The following CCSER1 variants were observed in gnomAD, a reference collection of about 807,000 sequenced individuals.
CCSER1 encodes serine-rich coiled-coil domain-containing protein 1.
CCSER1 carries 41 observed loss-of-function variants against 82.0 expected under a neutral mutation model. The ratio of observed to expected loss-of-function variants is 0.50; its 90% CI spans 0.39 to 0.65. The LOEUF is 0.65. Ranked by LOEUF, CCSER1 falls within the 30% of genes least tolerant of loss-of-function variation. CCSER1 has a pLI of 0.00. For missense variants in CCSER1, 1,119 were observed against 1,064.2 expected (o/e 1.05, Z -0.72); for synonymous variants, 414 against 383.9 (o/e 1.08, Z -0.92).
At chr4:90,708,341 G>A (rs934639994) in intron 6 of CCSER1, among the ~76,000 whole-genome samples, 3 of 152,158 alleles carry the variant, frequency 2.0e-5, no homozygotes, top group Non-Finnish European at 4.4e-5. Context: ...CAGAACACAC[G>A]TTCTCTGCAT....
At position 90,519,840 on chromosome 4, in the gene CCSER1, C is replaced by G. The variant is rs533772967; in HGVS notation, c.1724+51486C>G. On this transcript the variant is annotated intron_variant, in intron 5 of 10. Coordinates refer to ENST00000509176, the MANE Select transcript of CCSER1 (RefSeq NM_001145065.2). ...TTAATTATCTCAGAACATCTCTGTT[C>G]TACCAATGACTAACAGATTCAGAAA... is the stretch of plus-strand genomic sequence containing the variant. Among the ~76,000 whole-genome samples the G allele has an allele frequency of 3.3e-5, 5 of 152,156 alleles. No individual in the cohort carries two copies. In the South Asian group the frequency reaches 1.0e-3, roughly 32 times the overall value.
intron 5 of CCSER1, among the ~76,000 whole-genome samples, chr4:90,568,107 C>T (rs1341212646): frequency 6.6e-6 from 1 of 152,174 alleles, no homozygotes; most frequent in African/African-American, 2.4e-5. Context: ...TGTGGCCTAA[C>T]ATGATCTGTC....
At chr4:90,354,444 T>C (rs1269817156) in intron 3 of CCSER1, among the ~76,000 whole-genome samples, 3 of 152,126 alleles carry the variant, frequency 2.0e-5, no homozygotes, top group African/African-American at 4.8e-5. Context: ...TACTGTAATG[T>C]ATAGTTTAAA....
intron 9 of CCSER1, among the ~76,000 whole-genome samples, chr4:91,022,803 GTCT>G (rs1319084993): frequency 6.6e-6 from 1 of 152,172 alleles, no homozygotes; most frequent in Non-Finnish European, 1.5e-5. Flanking sequence ...CTGCATAAAT[GTCT>G]TCTTTTAAGA....
chr4:90,392,869 G>A lies in CCSER1; in HGVS notation c.1510-7167G>A, dbSNP rs903310229. ...TAAGGATTGAGTATGCTTTCTTAAC[G>A]CAATCCAGAAATCAGAGCCAAATAA... On this transcript the variant is annotated intron_variant, in intron 3 of 10. Coordinates refer to ENST00000509176, the MANE Select transcript of CCSER1 (RefSeq NM_001145065.2). Among the ~76,000 whole-genome samples the A allele has an allele frequency of 2.6e-5, 4 of 152,026 alleles. 1 individual carries two copies. Among genetic ancestry groups the A allele is most frequent in the South Asian group, 4.1e-4 (2 of 4,824 alleles).
At chr4:91,077,431 A>G (rs1366232235) in intron 9 of CCSER1, among the ~76,000 whole-genome samples, 3 of 152,272 alleles carry the variant, frequency 2.0e-5, no homozygotes, top group African/African-American at 7.2e-5. Context: ...ATGAGAAAAA[A>G]TAGTAAAATG....
In CCSER1 at chr4:90,305,959, A is replaced by G. The variant is rs1464460380; in HGVS notation, c.-41-2285A>G. ...ACATCTGTGGATGAATGGATTAAGA[A>G]AATGTGGTTTATTTATATAATGAAA... On this transcript the variant is annotated intron_variant, in intron 1 of 10. Coordinates refer to ENST00000509176, the MANE Select transcript of CCSER1 (RefSeq NM_001145065.2). 2.0e-5 allele frequency among the ~76,000 whole-genome samples: 3 copies of G among 152,234 alleles called. No individual in the cohort carries two copies. In the East Asian group the frequency reaches 5.8e-4, roughly 29 times the overall value.
intron 10 of CCSER1, among the ~76,000 whole-genome samples, chr4:91,099,981 ACAGCTTTG>A (rs1724895891): frequency 6.6e-6 from 1 of 152,184 alleles, no homozygotes; most frequent in Non-Finnish European, 1.5e-5. Flanking sequence ...TCCACAAAAG[ACAGCTTTG>A]CAGGGCCATT....
intron 7 of CCSER1, among the ~76,000 whole-genome samples, chr4:90,804,127 G>T (rs1207696025): frequency 6.6e-6 from 1 of 152,050 alleles, no homozygotes; most frequent in African/African-American, 2.4e-5. Context: ...TTGTCAGATG[G>T]ATAGACTGCA....
chr4:90,946,503 C>T (rs945195057), intron 9 of CCSER1, among the ~76,000 whole-genome samples: 11 of 151,672 alleles, frequency 7.3e-5, no homozygotes, highest in African/African-American at 1.7e-4. Flanking sequence ...TGGTTCCAGG[C>T]GCCTCTAATC....
intron 10 of CCSER1, among the ~76,000 whole-genome samples, chr4:91,446,633 T>C (rs1364905769): frequency 6.8e-6 from 1 of 147,164 alleles, no homozygotes; most frequent in African/African-American, 2.5e-5. Flanking sequence ...ATGTAATGTC[T>C]ATGTAATGAA....
At chr4:91,275,996 A>G (rs72877059) in intron 10 of CCSER1, among the ~76,000 whole-genome samples, 13,376 of 152,088 alleles carry the variant, frequency 0.088, 728 homozygotes, top group African/African-American at 0.15. Flanking sequence ...GGGGTTCTCT[A>G]TTCTATTCCA....
At chr4:90,457,109 T>A (rs563174545) in intron 4 of CCSER1, among the ~76,000 whole-genome samples, 2 of 152,326 alleles carry the variant, frequency 1.3e-5, no homozygotes, top group South Asian at 4.1e-4. Flanking sequence ...GCTGGCGGGC[T>A]GCTCCAGGTG....
At chr4:91,003,241 T>C (rs759503688) in intron 9 of CCSER1, among the ~76,000 whole-genome samples, 1 of 151,964 alleles carries the variant, frequency 6.6e-6, no homozygotes, top group Non-Finnish European at 1.5e-5. Context: ...CCAGGAGCTG[T>C]AGTAGTATGG....
At chr4:90,737,786 T>G (rs1431802862) in intron 7 of CCSER1, among the ~76,000 whole-genome samples, 1 of 85,256 alleles carries the variant, frequency 1.2e-5, no homozygotes, top group Non-Finnish European at 3.2e-5. Context: ...TGCTTCATTC[T>G]TTTTACTTTT....
intron 1 of CCSER1, among the ~76,000 whole-genome samples, chr4:90,251,138 A>G (rs1325326460): frequency 6.6e-6 from 1 of 151,910 alleles, no homozygotes; most frequent in Admixed American, 6.6e-5. Context: ...ATAAGATCAT[A>G]AGATCATTCC....
intron 3 of CCSER1, among the ~76,000 whole-genome samples, chr4:90,337,968 T>C (rs1579262074): frequency 1.3e-5 from 2 of 152,290 alleles, no homozygotes; most frequent in Middle Eastern, 3.4e-3. Flanking sequence ...CACATAGATA[T>C]GTTGTTCGAA....
intron 1 of CCSER1, among the ~76,000 whole-genome samples, chr4:90,208,476 C>T (rs1739334245): frequency 6.6e-6 from 1 of 151,624 alleles, no homozygotes; most frequent in African/African-American, 2.4e-5. Flanking sequence ...GACCACTTGG[C>T]TCCCTGGCTT....
At chr4:91,496,068 A>G (rs1305346380) in intron 10 of CCSER1, among the ~76,000 whole-genome samples, 2 of 151,674 alleles carry the variant, frequency 1.3e-5, no homozygotes, top group African/African-American at 4.8e-5. Context: ...ATCTCCCACC[A>G]TTAGACAAAT....
Sources: gnomAD v4.1 joint callset for allele counts (sites outside exome capture counted in the v4.1 genomes callset) on GRCh38, gnomAD v4.1.1 for gene constraint, MANE v1.5 for transcripts, NCBI Gene and HGNC (gene_info 2026-07-23, HGNC 2026-07-21) for gene names.